Variants in ZCCHC10 observed in about 807,000 individuals in gnomAD.
The protein encoded by ZCCHC10 is zinc finger CCHC domain-containing protein 10.
In ZCCHC10, 16 loss-of-function variants were observed where a neutral mutation model predicts 19.5. The observed-to-expected ratio is 0.82, with a 90% CI of 0.56 to 1.25. The LOEUF is 1.25. ZCCHC10 is among the 50% of genes most tolerant of loss of function. The probability of loss-of-function intolerance (pLI) is 0.00; values close to 1 mark genes in which losing one functional copy is unlikely to be tolerated. For synonymous variants in ZCCHC10, 67 were observed against 72.5 expected (o/e 0.92, Z 0.38); for missense variants, 197 against 201.0 (o/e 0.98, Z 0.12).
chr5:133,014,050 A>C (rs1763752513), intron 2 of ZCCHC10, among the ~76,000 whole-genome samples: 1 of 152,038 alleles, frequency 6.6e-6, no homozygotes, highest in Non-Finnish European at 1.5e-5. Flanking sequence ...TTGATTCCTC[A>C]TCAACCCAGA....
Position 133,026,183 on chromosome 5 carries a change from C to T in ZCCHC10, c.41+314G>A, listed in dbSNP as rs142060819. Reference sequence around the variant, plus strand: ...CGGGGCTTCAGGGCTCCCCTGTCCACGCGTGGGGTTGGCGGAGGGGCATAA... The same window carrying T: ...CGGGGCTTCAGGGCTCCCCTGTCCATGCGTGGGGTTGGCGGAGGGGCATAA... On this transcript the variant is annotated intron_variant, in intron 1 of 4. Transcript: ENST00000509437. Among the ~76,000 whole-genome samples the T allele has an allele frequency of 9.2e-3, 1,408 of 152,298 alleles. 13 individuals carry two copies. Among genetic ancestry groups the T allele is most frequent in the Middle Eastern group, 0.027 (8 of 294 alleles).
chr5:133,017,214 G>A (rs1231784485), intron 2 of ZCCHC10, among the ~76,000 whole-genome samples: 1 of 152,106 alleles, frequency 6.6e-6, no homozygotes, highest in African/African-American at 2.4e-5. Flanking sequence ...AAGCTCCTCT[G>A]TAGGTGCTCT....
chr5:133,004,985 T>C (rs1213471371), intron 3 of ZCCHC10, among the ~76,000 whole-genome samples: 2 of 151,970 alleles, frequency 1.3e-5, no homozygotes, highest in Non-Finnish European at 2.9e-5. Context: ...TCAATTTTGT[T>C]GAGGGAAAAA....
intron 2 of ZCCHC10, 91 bp downstream of exon 2, chr5:133,022,750 C>G (rs778609421): frequency 2.4e-6 from 1 of 422,698 alleles, no homozygotes; most frequent in Admixed American, 4.3e-5. Context: ...CACGCCCCGG[C>G]CTTGTTCAAC....
In ZCCHC10 at chr5:133,010,139, C is replaced by G. The variant is rs969401314; in HGVS notation, c.108-3219G>C. On this transcript the variant is annotated intron_variant, in intron 2 of 4. Coordinates refer to ENST00000509437, the MANE Select transcript of ZCCHC10 (RefSeq NM_001300816.3). ...TCTTGGCTTACTGCAGCCTCTGCCC[C>G]CCAGGTTCAAGCAATTTTCCTGCCT... 2.0e-5 allele frequency among the ~76,000 whole-genome samples: 3 copies of G among 151,394 alleles called. 1 individual carries two copies. The highest frequency in any genetic ancestry group is 4.2e-4 in the South Asian group (2 of 4,814).
At chr5:133,025,548 G>A (rs977151630) in intron 1 of ZCCHC10, among the ~76,000 whole-genome samples, 5 of 151,064 alleles carry the variant, frequency 3.3e-5, no homozygotes, top group African/African-American at 1.2e-4. Context: ...GGGGCATCTG[G>A]GGTGACCCTT....
intron 1 of ZCCHC10, among the ~76,000 whole-genome samples, chr5:133,026,030 A>G (rs1304811103): frequency 1.3e-5 from 2 of 152,234 alleles, no homozygotes; most frequent in Admixed American, 1.3e-4. Context: ...AGCCTGGGAA[A>G]GCAATCGGCA....
chr5:133,002,030 C>T (rs1016845557), intron 3 of ZCCHC10, among the ~76,000 whole-genome samples: 3 of 118,728 alleles, frequency 2.5e-5, no homozygotes, highest in African/African-American at 7.2e-5. Context: ...TGCTGGATCT[C>T]GGCTCACTGC....
At chr5:133,026,413 C>T in intron 1 of ZCCHC10, 84 bp downstream of exon 1, 1 of 1,553,192 alleles carries the variant, frequency 6.4e-7, no homozygotes, top group Non-Finnish European at 8.8e-7. Context: ...TCCGCCGGTC[C>T]CAATAGGGGT....
intron 4 of ZCCHC10, among the ~76,000 whole-genome samples, chr5:132,999,779 G>A (rs1360686281): frequency 2.0e-5 from 3 of 151,974 alleles, no homozygotes; most frequent in Non-Finnish European, 4.4e-5. Context: ...ACAGAGTTTC[G>A]CTCTGTTGCC....
chr5:133,006,714 T>C (rs368680270), intron 3 of ZCCHC10, 45 bp downstream of exon 3: 52 of 1,540,444 alleles, frequency 3.4e-5, no homozygotes, highest in Middle Eastern at 2.4e-4. Context: ...AAATTCTATA[T>C]ACACATTAAA....
chr5:133,000,799 A>G (rs1250181548), intron 3 of ZCCHC10, among the ~76,000 whole-genome samples: 1 of 151,576 alleles, frequency 6.6e-6, no homozygotes, highest in Non-Finnish European at 1.5e-5. Context: ...TGTGTCACCA[A>G]GCCCGGCTAA....
At chr5:133,019,179 G>A in intron 2 of ZCCHC10, 1 of 406,602 alleles carries the variant, frequency 2.5e-6, no homozygotes, top group Non-Finnish European at 4.8e-6. Flanking sequence ...TCAGGAGTTT[G>A]AGACCAGCCT....
At chr5:133,013,206 C>T (rs531935992) in intron 2 of ZCCHC10, among the ~76,000 whole-genome samples, 7 of 145,074 alleles carry the variant, frequency 4.8e-5, no homozygotes, top group African/African-American at 1.5e-4. Context: ...TGCAGTGAGC[C>T]GAGATAGCAC....
intron 1 of ZCCHC10, among the ~76,000 whole-genome samples, chr5:133,024,907 A>T (rs1764568215): frequency 6.6e-6 from 1 of 152,060 alleles, no homozygotes; most frequent in African/African-American, 2.4e-5. Flanking sequence ...CGTCTAAAAA[A>T]AAAACAAAAA....
At chr5:133,010,049 A>ATTT (rs770318980) in intron 2 of ZCCHC10, among the ~76,000 whole-genome samples, 3 of 138,536 alleles carry the variant, frequency 2.2e-5, no homozygotes, top group Non-Finnish European at 3.1e-5. Context: ...TGGGTCAGCA[A>ATTT]TTTTTTTTTT....
At chr5:133,025,515 A>AG (rs1764626243) in intron 1 of ZCCHC10, among the ~76,000 whole-genome samples, 1 of 141,780 alleles carries the variant, frequency 7.1e-6, no homozygotes, top group Non-Finnish European at 1.5e-5. Flanking sequence ...AAAAAAAAAA[A>AG]AAAAAAAAAA....
chr5:133,022,572 C>G (rs999418828), intron 2 of ZCCHC10, among the ~76,000 whole-genome samples: 1 of 151,886 alleles, frequency 6.6e-6, no homozygotes, highest in African/African-American at 2.4e-5. Context: ...TCCTGCCTAG[C>G]CTCCCGAGTA....
chr5:133,010,049 A>ATTTTTTTTT (rs770318980), intron 2 of ZCCHC10, among the ~76,000 whole-genome samples: 1 of 138,538 alleles, frequency 7.2e-6, no homozygotes, highest in African/African-American at 2.7e-5. Context: ...TGGGTCAGCA[A>ATTTTTTTTT]TTTTTTTTTT....
Sources: gnomAD v4.1 joint callset for allele counts (sites outside exome capture counted in the v4.1 genomes callset) on GRCh38, gnomAD v4.1.1 for gene constraint, MANE v1.5 for transcripts, NCBI Gene and HGNC (gene_info 2026-07-23, HGNC 2026-07-21) for gene names.